NME9: variants seen among roughly 807,000 people sequenced by gnomAD.
The protein encoded by NME9 is NME/NM23 family member 9, also known as thioredoxin domain-containing protein 6.
NME9 carries 48 observed loss-of-function variants against 44.4 expected under a neutral mutation model. That is an observed-to-expected ratio of 1.08 (90% CI 0.86 to 1.37). The LOEUF (loss-of-function observed/expected upper bound fraction) is 1.37. Ranked by LOEUF, NME9 falls within the 40% of genes most tolerant of loss-of-function variation. The probability of loss-of-function intolerance (pLI) is 0.00; values close to 1 mark genes in which losing one functional copy is unlikely to be tolerated. For missense variants in NME9, 325 were observed against 405.2 expected, an observed-to-expected ratio of 0.80 and a Z score of 1.70; for synonymous variants, 139 against 147.1, an observed-to-expected ratio of 0.94 and a Z score of 0.40.
chr3:138,288,811 T>A (rs550727361), intron 8 of NME9, among the ~76,000 whole-genome samples: 1 of 152,182 alleles, frequency 6.6e-6, no homozygotes, highest in African/African-American at 2.4e-5. Flanking sequence ...CAAATTTTTG[T>A]ATTTTTAGTA....
chr3:138,284,664 C>G, intron 8 of NME9: 1 of 650,778 alleles, frequency 1.5e-6, no homozygotes, highest in Non-Finnish European at 2.6e-6. Context: ...AAAGAACTCT[C>G]TTCCATCCTG....
At chr3:138,280,906 G>C (rs2049839998) in intron 8 of NME9, among the ~76,000 whole-genome samples, 1 of 152,202 alleles carries the variant, frequency 6.6e-6, no homozygotes, top group Admixed American at 6.5e-5. Flanking sequence ...GGGATTACAG[G>C]CATCAGCCAC....
At chr3:138,279,251 A>G (rs930202563) in intron 8 of NME9, among the ~76,000 whole-genome samples, 1 of 152,174 alleles carries the variant, frequency 6.6e-6, no homozygotes, top group Non-Finnish European at 1.5e-5. Flanking sequence ...TTTTATTTTT[A>G]AACCCCAAAC....
At chr3:138,304,743 A>G in intron 9 of NME9, 130 bp downstream of exon 9, 2 of 922,662 alleles carry the variant, frequency 2.2e-6, no homozygotes, top group Non-Finnish European at 3.4e-6. Context: ...CCCCAAATAT[A>G]TAATAGAGAG....
chr3:138,321,969 G>A (rs867059127), intron 2 of NME9, among the ~76,000 whole-genome samples: 56 of 151,762 alleles, frequency 3.7e-4, no homozygotes, highest in African/African-American at 1.2e-3. Context: ...ATCCAAGCAG[G>A]AGAGGAGGGG....
chr3:138,303,317 T>G (rs1393070485), intron 10 of NME9, 190 bp downstream of exon 10: 15 of 449,582 alleles, frequency 3.3e-5, no homozygotes, highest in Admixed American at 2.1e-4. Flanking sequence ...ACACTGTTGC[T>G]CTATGAGAAC....
chr3:138,300,025 G>A (rs1237687084), downstream of NME9, among the ~76,000 whole-genome samples: 1 of 151,994 alleles, frequency 6.6e-6, no homozygotes, highest in Admixed American at 6.5e-5. Flanking sequence ...AGACCATATG[G>A]GCCCCACTCT....
At position 138,329,823 on chromosome 3, in the gene NME9, T is replaced by G. The variant is rs1481797253; in HGVS notation, c.-488A>C. On this transcript the variant is annotated 5_prime_UTR_variant, in exon 1 of 11. Coordinates refer to ENST00000333911, the MANE Select transcript of NME9 (RefSeq NM_001349018.2). ...CGCGCCCGGAGTCACCAACCGAGTC[T>G]GCCGCGACCTAGCCGCGGTCGTCAT... is the stretch of plus-strand genomic sequence containing the variant. 1 of 986,164 alleles carries G rather than the reference T, an allele frequency of 1.0e-6. No homozygotes were observed. Among genetic ancestry groups the G allele is most frequent in the Admixed American group, 6.1e-5 (1 of 16,296 alleles). 61.1% of individuals were successfully genotyped at this position (986,164 alleles called of 1,614,324 possible).
chr3:138,270,524 T>C (rs751656899), intron 8 of NME9, among the ~76,000 whole-genome samples: 6 of 152,202 alleles, frequency 3.9e-5, no homozygotes, highest in Non-Finnish European at 7.4e-5. Context: ...CCATACTTTA[T>C]AGATGAAGTA....
chr3:138,262,738 C>T (rs1003530464), intron 8 of NME9: 10 of 790,952 alleles, frequency 1.3e-5, no homozygotes, highest in African/African-American at 1.7e-5. Context: ...AGGTTAAGAT[C>T]TATTGGTCTA....
At chr3:138,326,730 T>A (rs1007020451) in intron 1 of NME9, among the ~76,000 whole-genome samples, 1 of 151,780 alleles carries the variant, frequency 6.6e-6, no homozygotes, top group African/African-American at 2.4e-5. Flanking sequence ...CCAGCACGCC[T>A]GGCCTACTAT....
intron 10 of NME9, among the ~76,000 whole-genome samples, chr3:138,302,464 G>A (rs74744558): frequency 8.5e-4 from 130 of 152,202 alleles, no homozygotes; most frequent in Non-Finnish European, 1.4e-3. Flanking sequence ...CCACAACCCT[G>A]GACACATAAG....
downstream of NME9, chr3:138,296,014 A>T: frequency 9.7e-7 from 1 of 1,027,992 alleles, no homozygotes. Context: ...GCTGTTTTGC[A>T]AAAGCAGTTT....
chr3:138,281,223 T>G (rs922854715), intron 8 of NME9, among the ~76,000 whole-genome samples: 3 of 152,018 alleles, frequency 2.0e-5, no homozygotes, highest in Non-Finnish European at 4.4e-5. Context: ...TGTGGGTGTG[T>G]GTGTGTGTGT....
intron 2 of NME9, 83 bp from the exon 3 acceptor site, chr3:138,319,664 C>A: frequency 1.4e-6 from 1 of 729,104 alleles, no homozygotes; most frequent in Non-Finnish European, 2.5e-6. Context: ...TACATTCTAA[C>A]CCCCCTCAAA....
chr3:138,318,367 T>G (rs1254174276), intron 3 of NME9, 148 bp from the exon 4 acceptor site: 1 of 660,398 alleles, frequency 1.5e-6, no homozygotes, highest in Non-Finnish European at 2.8e-6. Context: ...TTCCTGCTAA[T>G]CAGAGCTGTC....
chr3:138,298,222 T>C (rs2051654881), downstream of NME9: 1 of 152,224 alleles, frequency 6.6e-6, no homozygotes, highest in Non-Finnish European at 1.5e-5. Context: ...GCCCTGATTG[T>C]AATCCAAAAT....
chr3:138,297,592 A>T (rs577102983), downstream of NME9: 212 of 152,312 alleles, frequency 1.4e-3, no homozygotes, highest in African/African-American at 5.0e-3. Context: ...AATGTATTTA[A>T]TGCAATTTTT....
chr3:138,265,227 G>A (rs868660230), intron 8 of NME9, among the ~76,000 whole-genome samples: 2 of 151,936 alleles, frequency 1.3e-5, no homozygotes, highest in Non-Finnish European at 2.9e-5. Flanking sequence ...AACATTTTTG[G>A]TGTTAGGTCT....
Sources: allele counts gnomAD v4.1 joint callset (sites outside exome capture counted in the v4.1 genomes callset), GRCh38; gene constraint gnomAD v4.1.1; transcripts MANE v1.5; gene names NCBI Gene and HGNC (gene_info 2026-07-23, HGNC 2026-07-21).